NELFA: variants seen among roughly 807,000 people sequenced by gnomAD.
NELFA encodes the protein negative elongation factor A.
A neutral mutation model predicts 51.8 loss-of-function variants in NELFA; 35 were observed. The observed-to-expected ratio is 0.68, with a 90% confidence interval of 0.52 to 0.90. The LOEUF is 0.90. Ranked by LOEUF, NELFA falls within the 40% of genes least tolerant of loss-of-function variation. NELFA has a pLI of 0.00. For synonymous variants in NELFA, 417 were observed against 338.4 expected (o/e 1.23, Z -2.55); for missense variants, 658 against 746.4 (o/e 0.88, Z 1.38).
At position 1,984,794 on chromosome 4, in the gene NELFA, G is replaced by GC. The variant is rs1248446740; in HGVS notation, c.1036+13dup. The GC allele has an allele frequency of 3.9e-6, 6 of 1,544,202 alleles. No homozygotes were observed. Among genetic ancestry groups the GC allele is most frequent in the Non-Finnish European group, 5.3e-6 (6 of 1,140,404 alleles). Reference sequence around the variant, plus strand: ...GCAGCTTGGCTGGTTCCAGGCTGGGGCCAGCAGACTCACCTGGGGGCGTCT... The same window carrying GC: ...GCAGCTTGGCTGGTTCCAGGCTGGGGCCCAGCAGACTCACCTGGGGGCGTCT... On this transcript the variant is annotated intron_variant, in intron 8 of 10. Transcript: ENST00000382882.
chr4:1,991,151 T>C (rs752729932), intron 2 of NELFA, among the ~76,000 whole-genome samples: 19 of 152,168 alleles, frequency 1.2e-4, no homozygotes, highest in Non-Finnish European at 2.8e-4. Flanking sequence ...ACTAAATCGT[T>C]GATATTTTCA....
chr4:2,008,201 C>T (rs1455678213), intron 1 of NELFA, among the ~76,000 whole-genome samples: 2 of 152,318 alleles, frequency 1.3e-5, no homozygotes, highest in East Asian at 3.9e-4. Context: ...ATGGGAGACC[C>T]CGCTGGGGCC....
intron 1 of NELFA, chr4:2,008,103 AG>A: frequency 2.2e-6 from 1 of 448,092 alleles, no homozygotes; most frequent in South Asian, 1.6e-5. Flanking sequence ...TACCGAGCCC[AG>A]GCCGCCCCTT....
intron 1 of NELFA, among the ~76,000 whole-genome samples, chr4:1,994,233 C>G (rs375042770): frequency 6.6e-6 from 1 of 151,944 alleles, no homozygotes; most frequent in Non-Finnish European, 1.5e-5. Context: ...CTACTCCACT[C>G]CAGCCTGAGC....
intron 8 of NELFA, among the ~76,000 whole-genome samples, chr4:1,984,436 C>T (rs1436386800): frequency 6.6e-6 from 1 of 152,174 alleles, no homozygotes; most frequent in Admixed American, 6.5e-5. Context: ...AGGACCTGGC[C>T]TGAGGTGCTG....
intron 3 of NELFA, among the ~76,000 whole-genome samples, chr4:1,988,945 G>GTTT (rs1728191078): frequency 8.1e-6 from 1 of 123,458 alleles, no homozygotes; most frequent in South Asian, 2.5e-4. Context: ...GAAGTTGGTG[G>GTTT]GTTTTTTTTT....
At chr4:1,992,293 G>A (rs1728295231) in intron 1 of NELFA, 1 of 242,742 alleles carries the variant, frequency 4.1e-6, no homozygotes, top group Non-Finnish European at 8.3e-6. Context: ...GGGAGTTGGC[G>A]CTCGTGGAGC....
At position 1,985,881 on chromosome 4, in the gene NELFA, A is replaced by G. The variant is rs370720288; in HGVS notation, c.836-17T>C. On this transcript the variant is annotated splice_polypyrimidine_tract_variant and intron_variant, in intron 6 of 10. Coordinates refer to ENST00000382882, the MANE Select transcript of NELFA (RefSeq NM_005663.5). ...CCTCCGCATCTGTGGACAAAACAGG[A>G]GTCCTCGCCAGTGCCCGGGCGCGTC... 4 of 1,599,908 alleles carry G rather than the reference A, an allele frequency of 2.5e-6. No individual in the cohort carries two copies. In the African/African-American group the frequency reaches 4.0e-5, roughly 16 times the overall value.
chr4:1,999,568 G>A (rs1351937082), intron 1 of NELFA, among the ~76,000 whole-genome samples: 3 of 152,098 alleles, frequency 2.0e-5, no homozygotes, highest in Non-Finnish European at 1.5e-5. Flanking sequence ...CAATGGTAAA[G>A]GGAACAATTC....
intron 1 of NELFA, among the ~76,000 whole-genome samples, chr4:2,004,880 A>G (rs976550337): frequency 6.8e-6 from 1 of 146,592 alleles, no homozygotes; most frequent in African/African-American, 2.6e-5. Context: ...ATCTCAGCTC[A>G]CTGCAAGCTC....
At chr4:2,003,341 C>T (rs987238982) in intron 1 of NELFA, among the ~76,000 whole-genome samples, 1 of 152,162 alleles carries the variant, frequency 6.6e-6, no homozygotes, top group Non-Finnish European at 1.5e-5. Context: ...GGATCTAACA[C>T]CAGAAATACC....
In NELFA at chr4:1,991,823, T is replaced by C. The variant is rs949828674; in HGVS notation, c.211-108A>G. 5 of 1,209,592 alleles carry C rather than the reference T, an allele frequency of 4.1e-6. No homozygotes were observed. The African/African-American group carries it at 6.1e-5, about 15-fold the overall frequency. The allele number at this position is 1,209,592 out of a possible 1,614,324, so 74.9% of individuals were successfully genotyped here. ...GGGCAGTGGCCGGGCTCTCTGGCAG[T>C]TGCCCCCAACACTTCCTCCTGAGGG... On this transcript the variant is annotated intron_variant, in intron 1 of 10. Coordinates refer to ENST00000382882, the MANE Select transcript of NELFA (RefSeq NM_005663.5).
chr4:2,001,976 G>A lies in NELFA; in HGVS notation c.210+6774C>T, dbSNP rs552146568. Among the ~76,000 whole-genome samples the A allele has an allele frequency of 7.9e-5, 12 of 151,616 alleles. No individual in the cohort carries two copies. The East Asian group carries it at 1.9e-3, about 25-fold the overall frequency. On this transcript the variant is annotated intron_variant, in intron 1 of 10. Transcript: ENST00000382882. ...AGCACTTTGGGAGGCCGAGGCGGAC[G>A]GATCATGAGGTCAGGAGATCGAGAC...
At chr4:2,008,648 G>A in intron 1 of NELFA, 102 bp downstream of exon 1, 2 of 1,378,578 alleles carry the variant, frequency 1.5e-6, no homozygotes, top group Admixed American at 2.1e-5. Flanking sequence ...AGGGGGATGG[G>A]AAGGTTGGGG....
At chr4:1,990,941 C>T (rs231201) in intron 2 of NELFA, among the ~76,000 whole-genome samples, 39,265 of 152,166 alleles carry the variant, frequency 0.26, 5,159 homozygotes, top group East Asian at 0.31. Context: ...CCTGGGAGGA[C>T]AGGCATGTGC....
intron 1 of NELFA, chr4:2,007,079 G>C (rs1728728890): frequency 2.7e-6 from 1 of 365,750 alleles, no homozygotes; most frequent in South Asian, 2.0e-5. Context: ...GCAGCATGGT[G>C]AAACCCTGTA....
chr4:1,991,901 A>G, intron 1 of NELFA, 186 bp from the exon 2 acceptor site: 1 of 595,846 alleles, frequency 1.7e-6, no homozygotes, highest in South Asian at 2.1e-5. Flanking sequence ...TGCTTCCCTG[A>G]GCAGCACAGC....
At chr4:1,994,265 T>C (rs542709924) in intron 1 of NELFA, among the ~76,000 whole-genome samples, 1 of 151,760 alleles carries the variant, frequency 6.6e-6, no homozygotes, top group Non-Finnish European at 1.5e-5. Flanking sequence ...ATTTCATTTC[T>C]TAAAAAAATT....
chr4:1,985,903 C>A (rs199619746), intron 6 of NELFA, 39 bp from the exon 7 acceptor site: 1 of 1,539,720 alleles, frequency 6.5e-7, no homozygotes, highest in Non-Finnish European at 8.9e-7. Flanking sequence ...TGCCCGGGCG[C>A]GTCTGCAGTG....
Sources: gnomAD v4.1 joint callset for allele counts (sites outside exome capture counted in the v4.1 genomes callset) on GRCh38, gnomAD v4.1.1 for gene constraint, MANE v1.5 for transcripts, NCBI Gene and HGNC (gene_info 2026-07-23, HGNC 2026-07-21) for gene names.